PRMT8: variants seen among roughly 807,000 people sequenced by gnomAD.
PRMT8 encodes protein arginine N-methyltransferase 8.
Under a neutral mutation model 47.1 loss-of-function variants are expected in PRMT8, and 7 were observed. The ratio of observed to expected loss-of-function variants is 0.15; its 90% CI spans 0.08 to 0.28. The LOEUF (loss-of-function observed/expected upper bound fraction) is 0.28, where lower values mean the gene tolerates loss of function less well. Among genes scored for constraint, PRMT8 ranks in the 10% least tolerant of loss-of-function variants. The probability of loss-of-function intolerance (pLI) is 1.00; values close to 1 mark genes in which losing one functional copy is unlikely to be tolerated. For synonymous variants in PRMT8, 188 were observed against 186.5 expected (o/e 1.01, Z -0.07); for missense variants, 237 against 505.4 (o/e 0.47, Z 5.09).
At position 3,453,899 on chromosome 12, in the gene PRMT8, G is replaced by A. The variant is rs1003208276; in HGVS notation, c.48+72457G>A. ...AGCCTCGGGTGCAGCCTTGTCCTCA[G>A]CGTTCAACACGGGGTGCCTCGTGTG... On this transcript the variant is annotated intron_variant, in intron 1 of 9. Coordinates refer to the PRMT8 transcript ENST00000452611. This position sits in a 1 kb window ranked among gnomAD's most constrained non-coding sequence, Gnocchi z 4.9. Among the ~76,000 whole-genome samples the A allele has an allele frequency of 6.6e-6, 1 of 152,222 alleles. No homozygotes were observed. The highest frequency in any genetic ancestry group is 1.5e-5 in the Non-Finnish European group (1 of 68,050).
chr12:3,460,547 A>C (rs1865029653), intron 1 of PRMT8, among the ~76,000 whole-genome samples: 1 of 152,134 alleles, frequency 6.6e-6, no homozygotes, highest in African/African-American at 2.4e-5. Flanking sequence ...TTGCGGGAGG[A>C]AGAGAAAGAA....
chr12:3,576,211 T>TA lies in PRMT8; in HGVS notation c.713-659dup, dbSNP rs1428248985. ...GGTAGTTCCTAATGGGGTGGATCCT[T>TA]AGTGAGTGCATCTTGGCATACAAGG... On this transcript the variant is annotated intron_variant, in intron 6 of 9. Coordinates refer to ENST00000382622, the MANE Select transcript of PRMT8 (RefSeq NM_019854.5). This position sits in a 1 kb window ranked among gnomAD's most constrained non-coding sequence, Gnocchi z 4.0. 6.6e-6 allele frequency among the ~76,000 whole-genome samples: 1 copy of TA among 152,084 alleles called. No homozygotes were observed. Among genetic ancestry groups the TA allele is most frequent in the Non-Finnish European group, 1.5e-5 (1 of 68,008 alleles).
rs567295438 is a variant in PRMT8 at position 3,544,270 on chromosome 12, G to A, written c.261+3479G>A. On this transcript the variant is annotated intron_variant, in intron 2 of 9. Coordinates refer to ENST00000382622, the MANE Select transcript of PRMT8 (RefSeq NM_019854.5). Reference sequence around the variant, plus strand: ...AGGACCTCTTCTTTTGGCAAGTCAGGTAGGGGAAGCCTTGCTAAGTCACAA... The same window carrying A: ...AGGACCTCTTCTTTTGGCAAGTCAGATAGGGGAAGCCTTGCTAAGTCACAA... Among the ~76,000 whole-genome samples the A allele has an allele frequency of 8.7e-4, 133 of 152,264 alleles. 1 individual carries two copies. The highest frequency in any genetic ancestry group is 2.7e-3 in the African/African-American group (111 of 41,536).
chr12:3,422,012 G>T (rs1396974554), intron 1 of PRMT8, among the ~76,000 whole-genome samples: 1 of 152,178 alleles, frequency 6.6e-6, no homozygotes, highest in Non-Finnish European at 1.5e-5. Context: ...GGAGGCTTCT[G>T]GTTCCAGGGG....
chr12:3,381,521 G>A (rs1864091211), intron 1 of PRMT8: 3 of 1,425,762 alleles, frequency 2.1e-6, no homozygotes, highest in South Asian at 2.5e-5. Flanking sequence ...GACCCCGTGT[G>A]GGCTGTTGGC....
chr12:3,519,715 G>A (rs896339830), intron 1 of PRMT8, among the ~76,000 whole-genome samples: 10 of 152,156 alleles, frequency 6.6e-5, no homozygotes, highest in African/African-American at 2.2e-4. Context: ...GCTACATAAG[G>A]AAGATCCAAA....
At chr12:3,518,937 A>G (rs1865835643) in intron 1 of PRMT8, among the ~76,000 whole-genome samples, 2 of 152,218 alleles carry the variant, frequency 1.3e-5, no homozygotes, top group Admixed American at 1.3e-4. Context: ...TAACAAATAA[A>G]GTTTTAAAAA....
intron 1 of PRMT8, among the ~76,000 whole-genome samples, chr12:3,418,381 G>A (rs1368933370): frequency 1.3e-5 from 2 of 152,246 alleles, no homozygotes; most frequent in Non-Finnish European, 2.9e-5. Flanking sequence ...CATGGCCTGA[G>A]TGTGGCTAAG....
intron 1 of PRMT8, among the ~76,000 whole-genome samples, chr12:3,431,159 T>C (rs946107621): frequency 6.6e-6 from 1 of 152,120 alleles, no homozygotes; most frequent in Non-Finnish European, 1.5e-5. Context: ...AGGAGTGACA[T>C]AGATTTTTGT....
chr12:3,421,540 G>A (rs1043760165), intron 1 of PRMT8, among the ~76,000 whole-genome samples: 1 of 152,154 alleles, frequency 6.6e-6, no homozygotes, highest in African/African-American at 2.4e-5. Context: ...AATGGTCTGG[G>A]CCACATATAA....
At chr12:3,542,750 G>C (rs1565436356) in intron 2 of PRMT8, among the ~76,000 whole-genome samples, 1 of 152,204 alleles carries the variant, frequency 6.6e-6, no homozygotes, top group Non-Finnish European at 1.5e-5. Flanking sequence ...TGAGTTGCTA[G>C]GTTCCTGCTG....
chr12:3,480,661 G>A (rs914476413), intron 1 of PRMT8, among the ~76,000 whole-genome samples: 8 of 151,228 alleles, frequency 5.3e-5, no homozygotes, highest in South Asian at 2.1e-4. Context: ...TCCCCCCACC[G>A]CTTTCTTATA....
intron 1 of PRMT8, among the ~76,000 whole-genome samples, chr12:3,397,936 G>T (rs1031804914): frequency 3.3e-5 from 5 of 152,176 alleles, no homozygotes; most frequent in Admixed American, 2.0e-4. Context: ...TAAGCCCGTC[G>T]GAAAAGCGCA....
chr12:3,468,707 G>A (rs1219658631), intron 1 of PRMT8, among the ~76,000 whole-genome samples: 2 of 152,154 alleles, frequency 1.3e-5, no homozygotes, highest in Admixed American at 6.5e-5. Context: ...TACTTATCTG[G>A]GGCCCACTTA....
chr12:3,462,092 G>A (rs1212415577), intron 1 of PRMT8, among the ~76,000 whole-genome samples: 2 of 151,858 alleles, frequency 1.3e-5, no homozygotes. Context: ...CTCTCTTTGT[G>A]TCCATGTGTT....
At chr12:3,401,384 A>T (rs1416990986) in intron 1 of PRMT8, among the ~76,000 whole-genome samples, 1 of 152,084 alleles carries the variant, frequency 6.6e-6, no homozygotes, top group African/African-American at 2.4e-5. Flanking sequence ...AATAAGCAAA[A>T]GCTGGAAGCA....
intron 1 of PRMT8, among the ~76,000 whole-genome samples, chr12:3,429,658 C>T (rs1313532899): frequency 1.3e-5 from 2 of 152,308 alleles, no homozygotes; most frequent in African/African-American, 4.8e-5. Flanking sequence ...GGTGATCAGG[C>T]CACGCTTCCA....
intron 4 of PRMT8, among the ~76,000 whole-genome samples, chr12:3,555,706 T>C (rs1242309746): frequency 6.6e-6 from 1 of 152,180 alleles, no homozygotes; most frequent in African/African-American, 2.4e-5. Flanking sequence ...TGAGAGGGGC[T>C]GCAGCAGGAA....
In PRMT8 at chr12:3,381,407, G is replaced by A. The variant is rs1161454827; in HGVS notation, c.13G>A (p.Ala5Thr). 5.9e-6 allele frequency: 9 copies of A among 1,535,996 alleles called. No homozygotes were observed. The Admixed American group carries it at 1.8e-4, about 30-fold the overall frequency. The change falls in exon 1 of 10, where the codon GCT (alanine) becomes ACT (threonine). Residue 5 changes from alanine (A) to threonine (T), a missense_variant. Transcript: ENST00000452611. Reference sequence around the variant, plus strand: ...TGTGCCAGGTTGAATGGAGTCTCTGGCTTCAGATGGATTCAAGCTGAAAGA... The same window carrying A: ...TGTGCCAGGTTGAATGGAGTCTCTGACTTCAGATGGATTCAAGCTGAAAGA...
Sources: gnomAD v4.1 joint callset for allele counts (sites outside exome capture counted in the v4.1 genomes callset) on GRCh38, gnomAD v4.1.1 for gene constraint, Gnocchi (gnomAD v3.1) non-coding constraint, MANE v1.5 for transcripts, NCBI Gene and HGNC (gene_info 2026-07-23, HGNC 2026-07-21) for gene names.